Variants in ARMC9 observed in about 807,000 individuals in gnomAD.
ARMC9 encodes the protein lisH domain-containing protein ARMC9.
In ARMC9, 94 loss-of-function variants were observed where a neutral mutation model predicts 107.0. The ratio of observed to expected loss-of-function variants is 0.88; its 90% CI spans 0.74 to 1.04. The LOEUF (loss-of-function observed/expected upper bound fraction) is 1.04. Ranked by LOEUF, ARMC9 falls within the 50% of genes least tolerant of loss-of-function variation. The pLI is 0.00. For missense variants in ARMC9, 942 were observed against 1,030.1 expected, an observed-to-expected ratio of 0.91 and a Z score of 1.17; for synonymous variants, 380 against 396.9, an observed-to-expected ratio of 0.96 and a Z score of 0.51.
intron 21 of ARMC9, among the ~76,000 whole-genome samples, chr2:231,347,588 C>T (rs1250209764): frequency 4.6e-5 from 7 of 152,312 alleles, no homozygotes; most frequent in African/African-American, 1.7e-4. Context: ...TAAGAGACTA[C>T]CATATGTGAT....
At chr2:231,327,174 G>C (rs184068609) in intron 19 of ARMC9, among the ~76,000 whole-genome samples, 1 of 152,192 alleles carries the variant, frequency 6.6e-6, no homozygotes, top group Non-Finnish European at 1.5e-5. Context: ...GGCAGTGCAC[G>C]CTCCCCCATG....
intron 12 of ARMC9, among the ~76,000 whole-genome samples, chr2:231,266,871 AGT>A (rs2038901670): frequency 6.6e-6 from 1 of 152,242 alleles, no homozygotes; most frequent in Non-Finnish European, 1.5e-5. Flanking sequence ...TACTGTGGAT[AGT>A]GCTGCTGTGA....
chr2:231,242,361 G>A (rs527430352), intron 9 of ARMC9, among the ~76,000 whole-genome samples: 1 of 152,126 alleles, frequency 6.6e-6, no homozygotes, highest in Non-Finnish European at 1.5e-5. Context: ...TTCCACACAC[G>A]TGGACAGACA....
intron 18 of ARMC9, chr2:231,293,933 A>C (rs184924852): frequency 3.9e-5 from 6 of 152,358 alleles, no homozygotes; most frequent in African/African-American, 1.2e-4. Context: ...TCCTGTCTTC[A>C]TCCTCAAGTG....
chr2:231,364,706 G>A (rs770154974), intron 23 of ARMC9, among the ~76,000 whole-genome samples: 1 of 152,056 alleles, frequency 6.6e-6, no homozygotes, highest in Admixed American at 6.6e-5. Flanking sequence ...GCTGAGGCAG[G>A]AGAATCATTT....
chr2:231,318,000 A>G (rs1390357328), intron 19 of ARMC9, among the ~76,000 whole-genome samples: 3 of 150,984 alleles, frequency 2.0e-5, no homozygotes, highest in East Asian at 1.9e-4. Context: ...GGGCCCACTC[A>G]AAGTTAGTTT....
intron 23 of ARMC9, among the ~76,000 whole-genome samples, chr2:231,363,062 A>AC (rs200998373): frequency 0.012 from 1,884 of 152,298 alleles, 9 homozygotes; most frequent in Non-Finnish European, 0.02. Flanking sequence ...GGGAGTGTGC[A>AC]CAGTGTGCAA....
chr2:231,310,573 A>T (rs775578390), intron 19 of ARMC9, among the ~76,000 whole-genome samples: 1 of 151,746 alleles, frequency 6.6e-6, no homozygotes, highest in East Asian at 1.9e-4. Context: ...TCAACTAAAA[A>T]TACAAAAATT....
rs184038600 is a variant in ARMC9, at chr2:231,242,996, C to T, written c.879+2955C>T. Among the ~76,000 whole-genome samples the T allele has an allele frequency of 4.1e-3, 622 of 152,254 alleles. 8 individuals are homozygous for T. Among genetic ancestry groups the T allele is most frequent in the African/African-American group, 0.013 (557 of 41,544 alleles). ...GCGTGGTGGCTCACGCCTGTAATCC[C>T]AGCACTTTGGGAGGCCGAGGCGGGC... On this transcript the variant is annotated intron_variant, in intron 9 of 24. Coordinates refer to ENST00000611582, the MANE Select transcript of ARMC9 (RefSeq NM_001352754.2).
rs1485245101 is a variant in ARMC9, at chr2:231,213,186, CAG to C, written c.178-1644_178-1643del. The stretch of plus-strand genomic sequence containing the variant: ...TTTCTTTTTTTTTTTTTTTCTGAGA[CAG>C]GGTCTCATTCTGTTGCTTAGGCTGA... On this transcript the variant is annotated intron_variant, in intron 3 of 24. Coordinates refer to ENST00000611582, the MANE Select transcript of ARMC9 (RefSeq NM_001352754.2). Among the ~76,000 whole-genome samples the C allele has an allele frequency of 5.0e-5, 7 of 139,106 alleles. No individual in the cohort carries two copies. The Admixed American group carries it at 5.2e-4, about 10-fold the overall frequency. The allele number at this position is 139,106 out of a possible 152,430, so 91.3% of individuals were successfully genotyped here.
At chr2:231,272,568 G>A (rs2039432865) in intron 13 of ARMC9, among the ~76,000 whole-genome samples, 1 of 151,704 alleles carries the variant, frequency 6.6e-6, no homozygotes, top group Non-Finnish European at 1.5e-5. Flanking sequence ...TCAGGCTAGA[G>A]TGTGGTGGCA....
At chr2:231,306,110 T>C (rs1329235106) in intron 19 of ARMC9, among the ~76,000 whole-genome samples, 4 of 152,218 alleles carry the variant, frequency 2.6e-5, no homozygotes, top group African/African-American at 9.6e-5. Flanking sequence ...TTTCATCATA[T>C]TTATTTTTTA....
chr2:231,243,971 C>T (rs980321408), intron 9 of ARMC9, among the ~76,000 whole-genome samples: 1 of 152,134 alleles, frequency 6.6e-6, no homozygotes, highest in African/African-American at 2.4e-5. Context: ...TAGGGCCCAA[C>T]AGAAGGCCAT....
At chr2:231,222,330 TG>T (rs2034227831) in intron 5 of ARMC9, among the ~76,000 whole-genome samples, 1 of 152,190 alleles carries the variant, frequency 6.6e-6, no homozygotes, top group Non-Finnish European at 1.5e-5. Flanking sequence ...GTCCCTTTCT[TG>T]GGGAGACTCT....
At chr2:231,226,842 G>C (rs770198776) in intron 7 of ARMC9, 44 bp downstream of exon 7, 20 of 1,592,770 alleles carry the variant, frequency 1.3e-5, no homozygotes, top group Non-Finnish European at 1.7e-5. Context: ...AACTTTGCCA[G>C]TTCAGGTTTG....
intron 9 of ARMC9, among the ~76,000 whole-genome samples, chr2:231,254,194 A>G (rs2037549594): frequency 6.6e-6 from 1 of 152,228 alleles, no homozygotes; most frequent in South Asian, 2.1e-4. Context: ...AGAAGAATTG[A>G]GAGAATGTGT....
intron 8 of ARMC9, among the ~76,000 whole-genome samples, chr2:231,239,401 C>T (rs1159395272): frequency 1.3e-5 from 2 of 152,292 alleles, no homozygotes; most frequent in Admixed American, 6.5e-5. Context: ...TGATTAAAAG[C>T]GTTTCCATCA....
At chr2:231,228,240 C>A (rs2034847648) in intron 7 of ARMC9, among the ~76,000 whole-genome samples, 3 of 152,242 alleles carry the variant, frequency 2.0e-5, no homozygotes, top group Non-Finnish European at 4.4e-5. Flanking sequence ...GCCTGACAGA[C>A]CATCCCGACT....
chr2:231,248,583 C>A (rs1182069175), intron 9 of ARMC9, among the ~76,000 whole-genome samples: 2 of 151,794 alleles, frequency 1.3e-5, no homozygotes, highest in African/African-American at 4.8e-5. Flanking sequence ...CCGAGGCGGG[C>A]GGATCATGAG....
Sources: allele counts gnomAD v4.1 joint callset (sites outside exome capture counted in the v4.1 genomes callset), GRCh38; gene constraint gnomAD v4.1.1; transcripts MANE v1.5; gene names NCBI Gene and HGNC (gene_info 2026-07-23, HGNC 2026-07-21).